The following PSG6 variants were observed in gnomAD, a reference collection of about 807,000 sequenced individuals.
PSG6 encodes pregnancy specific beta-1-glycoprotein 6, also known as pregnancy-specific beta-1-glycoprotein 6.
Under a neutral mutation model 43.3 loss-of-function variants are expected in PSG6, and 51 were observed. The ratio of observed to expected loss-of-function variants is 1.18; its 90% CI spans 0.94 to 1.49. PSG6 has a LOEUF of 1.49. Ranked by LOEUF, PSG6 falls within the 40% of genes most tolerant of loss-of-function variation. The pLI, the probability that PSG6 is intolerant of heterozygous loss-of-function variation, is 0.00. For synonymous variants in PSG6, 292 were observed against 197.6 expected (o/e 1.48, Z -4.01); for missense variants, 770 against 522.2 (o/e 1.47, Z -4.62).
rs556142552 is a variant in PSG6, at chr19:42,910,957, C to A, written c.428-99G>T. The stretch of plus-strand genomic sequence containing the variant: ...TTGGCATTTCCAACCTCTCAGCCCA[C>A]CCAAGTCCTTAAAAGCCCATGGCAG... On this transcript the variant is annotated intron_variant, in intron 2 of 5. Transcript: ENST00000187910. 4.6e-6 allele frequency: 7 copies of A among 1,518,206 alleles called. No homozygotes were observed. In the East Asian group the frequency reaches 1.4e-4, roughly 30 times the overall value. The allele number at this position is 1,518,206 out of a possible 1,614,324, so 94.0% of individuals were successfully genotyped here. A position where few individuals can be genotyped will look rare whatever the true frequency, so the allele number is the denominator to read the frequency against.
chr19:42,903,960 A>G (rs1160125903), intron 5 of PSG6, among the ~76,000 whole-genome samples: 2 of 151,684 alleles, frequency 1.3e-5, no homozygotes, highest in Non-Finnish European at 2.9e-5. Flanking sequence ...TAATAAAATA[A>G]TGATTATGAA....
rs142223096 is a variant in PSG6, at chr19:42,910,302, C to A, written c.706+278G>T. On this transcript the variant is annotated intron_variant, in intron 3 of 5. Transcript: ENST00000187910. ...AACACTGAAGTCCCAGCCAAATCCCCGCTGTGTTCACTGATCTGGAGCCTG... is the reference window on the plus strand; with the variant it reads ...AACACTGAAGTCCCAGCCAAATCCCAGCTGTGTTCACTGATCTGGAGCCTG... 28 of 807,640 alleles carry A rather than the reference C, an allele frequency of 3.5e-5. 1 individual carries two copies. Among genetic ancestry groups the A allele is most frequent in the East Asian group, 5.9e-5 (2 of 33,708 alleles). 50.0% of individuals were successfully genotyped at this position (807,640 alleles called of 1,614,324 possible).
chr19:42,915,052 G>A (rs1022794399), intron 2 of PSG6, among the ~76,000 whole-genome samples: 2 of 151,690 alleles, frequency 1.3e-5, no homozygotes, highest in African/African-American at 2.4e-5. Flanking sequence ...GAGGATTTGA[G>A]TCAATAAATG....
At chr19:42,909,423 A>G (rs1972177236) in intron 3 of PSG6, among the ~76,000 whole-genome samples, 1 of 151,616 alleles carries the variant, frequency 6.6e-6, no homozygotes. Context: ...GCTCAGATTT[A>G]GGACAGAGTT....
intron 5 of PSG6, among the ~76,000 whole-genome samples, chr19:42,904,396 T>A (rs1430551481): frequency 2.0e-5 from 3 of 151,584 alleles, no homozygotes; most frequent in African/African-American, 7.3e-5. Flanking sequence ...TTGTAGAAAA[T>A]CCTAAAGATG....
At position 42,916,282 on chromosome 19, in the gene PSG6, A is replaced by T; in HGVS notation, c.270T>A (p.Tyr90Ter). 4.3e-6 allele frequency: 7 copies of T among 1,612,176 alleles called. 1 individual carries two copies. Among genetic ancestry groups the T allele is most frequent in the Non-Finnish European group, 5.1e-6 (6 of 1,179,134 alleles). ...TTTCTCGTCCACTGTAGGCAGGCCC[A>T]TATATAATTTGACCGTGTACTACAT... is the stretch of plus-strand genomic sequence containing the variant. ...TSYVVHGQII[Y>*]GPAYSGRETV... is the part of the protein sequence containing the mutation. The change falls in exon 2 of 6, where the codon TAT becomes TAA. Residue 90 changes from tyrosine (Y) to a stop codon, truncating the protein, a stop_gained. Coordinates refer to ENST00000187910, the MANE Select transcript of PSG6 (RefSeq NM_001031850.4). LOFTEE classifies it high-confidence loss of function.
intron 2 of PSG6, among the ~76,000 whole-genome samples, chr19:42,912,606 A>G (rs1600547159): frequency 6.6e-6 from 1 of 151,946 alleles, no homozygotes; most frequent in Non-Finnish European, 1.5e-5. Flanking sequence ...ATGTTAGTAA[A>G]TATAGAAAGA....
At position 42,913,047 on chromosome 19, in the gene PSG6, T is replaced by C. The variant is rs576687154; in HGVS notation, c.428-2189A>G. Among the ~76,000 whole-genome samples the C allele has an allele frequency of 1.1e-4, 17 of 151,850 alleles. 2 individuals are homozygous for C. The South Asian group carries it at 3.6e-3, about 32-fold the overall frequency. On this transcript the variant is annotated intron_variant, in intron 2 of 5. Transcript: ENST00000187910. The stretch of plus-strand genomic sequence containing the variant: ...TTTTTTTCCCCACTCTTTTTGAGCT[T>C]TCCTGTTTCAGTTTTGGAAGTTTCT...
Position 42,902,152 on chromosome 19 carries a change from G to A in PSG6, c.*260C>T, listed in dbSNP as rs940904615. 2 of 409,088 alleles carry A rather than the reference G, an allele frequency of 4.9e-6. No homozygotes were observed. The highest frequency in any genetic ancestry group is 4.5e-6 in the Non-Finnish European group (1 of 223,744). 25.3% of individuals were successfully genotyped at this position (409,088 alleles called of 1,614,324 possible). ...ACTCATGAATAGTTTCCCAATTCTG[G>A]GGCACTCAGATAGAGAGCAAAAGCA... On this transcript the variant is annotated 3_prime_UTR_variant, in exon 6 of 6. Transcript: ENST00000187910.
rs770179988 is a variant in PSG6, at chr19:42,907,637, T to A, written c.924A>T (p.Gln308His). 4 of 1,611,770 alleles carry A rather than the reference T, an allele frequency of 2.5e-6. No homozygotes were observed. The East Asian group carries it at 6.7e-5, about 27-fold the overall frequency. The change falls in exon 4 of 6, where the codon CAA becomes CAT. Residue 308 changes from glutamine to histidine, a missense_variant. Physicochemically the swap from Gln to His is conservative, Grantham distance 24. Transcript: ENST00000187910. ...CACCATATCGGTCCCGTATTTCACA[T>A]TGATAGGGTCCTGTTTCATTTCTCG... ...SVTRNETGPY[Q>H]CEIRDRYGGI...
At chr19:42,905,757 A>G (rs1191400017) in intron 5 of PSG6, among the ~76,000 whole-genome samples, 2 of 151,712 alleles carry the variant, frequency 1.3e-5, no homozygotes, top group African/African-American at 4.8e-5. Flanking sequence ...AGAAAATTAC[A>G]ATACATCGTG....
intron 5 of PSG6, among the ~76,000 whole-genome samples, chr19:42,904,963 C>T (rs1158950554): frequency 6.6e-6 from 1 of 151,492 alleles, no homozygotes; most frequent in Non-Finnish European, 1.5e-5. Context: ...AATATCATAG[C>T]CCAGAAAGAA....
intron 2 of PSG6, among the ~76,000 whole-genome samples, chr19:42,911,723 C>T (rs1316659560): frequency 6.6e-6 from 1 of 151,618 alleles, no homozygotes; most frequent in African/African-American, 2.4e-5. Flanking sequence ...GAAGTCTGGC[C>T]CTCAGGGACC....
intron 1 of PSG6, among the ~76,000 whole-genome samples, chr19:42,917,057 G>T: frequency 6.9e-6 from 1 of 145,674 alleles, no homozygotes; most frequent in East Asian, 2.1e-4. Flanking sequence ...AGTTCTCAGG[G>T]CCCTCCATGC....
intron 1 of PSG6, among the ~76,000 whole-genome samples, chr19:42,917,517 C>A (rs374826571): frequency 6.0e-5 from 9 of 151,062 alleles, no homozygotes; most frequent in African/African-American, 1.9e-4. Flanking sequence ...AGCACACCAC[C>A]ATACTTGGTT....
At chr19:42,916,005 C>T in intron 2 of PSG6, 120 bp downstream of exon 2, 2 of 1,531,724 alleles carry the variant, frequency 1.3e-6, no homozygotes, top group Non-Finnish European at 1.8e-6. Flanking sequence ...TGCCCAAACC[C>T]CAGCATGGGA....
rs1188075577 is a variant in PSG6, at chr19:42,902,380, T to C, written c.*32A>G. 1.2e-6 allele frequency: 2 copies of C among 1,608,218 alleles called. No homozygotes were observed. Among genetic ancestry groups the C allele is most frequent in the Non-Finnish European group, 1.7e-6 (2 of 1,176,358 alleles). ...GAATTTCATGAAGGTATCAACCTGT[T>C]CTTTTTCTCAGTGTCTCTATTGTGG... On this transcript the variant is annotated 3_prime_UTR_variant, in exon 6 of 6. Transcript: ENST00000187910.
chr19:42,906,468 T>C (rs1972114038), intron 5 of PSG6, among the ~76,000 whole-genome samples: 1 of 151,332 alleles, frequency 6.6e-6, no homozygotes. Flanking sequence ...TCTGAGCTGC[T>C]CCTCCCTCAC....
In PSG6 at chr19:42,902,298, A is replaced by G. The variant is rs1972046662; in HGVS notation, c.*114T>C. The G allele has an allele frequency of 2.4e-6, 3 of 1,270,472 alleles. No homozygotes were observed. Among genetic ancestry groups the G allele is most frequent in the East Asian group, 2.4e-5 (1 of 40,870 alleles). 78.7% of individuals were successfully genotyped at this position (1,270,472 alleles called of 1,614,324 possible). ...CATTTTCCAATAAAAAATTATGAAAACATTATCCTTTTGATTATTTAGTCC... is the reference window on the plus strand; with the variant it reads ...CATTTTCCAATAAAAAATTATGAAAGCATTATCCTTTTGATTATTTAGTCC... On this transcript the variant is annotated 3_prime_UTR_variant, in exon 6 of 6. Coordinates refer to ENST00000187910, the MANE Select transcript of PSG6 (RefSeq NM_001031850.4).
Sources: gnomAD v4.1 joint callset for allele counts (sites outside exome capture counted in the v4.1 genomes callset) on GRCh38, gnomAD v4.1.1 for gene constraint, MANE v1.5 for transcripts, NCBI Gene and HGNC (gene_info 2026-07-23, HGNC 2026-07-21) for gene names.